Variants in CD200R1 observed in about 807,000 individuals in gnomAD.
CD200R1 encodes CD200 receptor 1, also known as cell surface glycoprotein CD200 receptor 1.
Under a neutral mutation model 38.1 loss-of-function variants are expected in CD200R1, and 30 were observed. The ratio of observed to expected loss-of-function variants is 0.79; its 90% CI spans 0.59 to 1.07. CD200R1 has a LOEUF of 1.07. CD200R1 is among the 50% of genes least tolerant of loss of function. CD200R1 has a pLI of 0.00. For missense variants in CD200R1, 372 were observed against 415.4 expected (o/e 0.90, Z 0.91); for synonymous variants, 128 against 152.1 (o/e 0.84, Z 1.16).
In CD200R1 at chr3:112,929,316, A is replaced by G; in HGVS notation, c.394T>C (p.Ser132Pro). 1 of 1,614,092 alleles carries G rather than the reference A, an allele frequency of 6.2e-7. No homozygotes were observed. Among genetic ancestry groups the G allele is most frequent in the Non-Finnish European group, 8.5e-7 (1 of 1,179,978 alleles). The change falls in exon 4 of 8, where the codon TCC becomes CCC. Residue 132 changes from serine to proline, a missense_variant. Coordinates refer to ENST00000308611, the MANE Select transcript of CD200R1 (RefSeq NM_138806.4). ...NCTDERITWV[S>P]RPDQNSDLQI... ...AGGTCCGAATTCTGATCAGGTCTGGAGACCCAGGTTATTCTCTCATCAGTA... is the reference window on the plus strand; with the variant it reads ...AGGTCCGAATTCTGATCAGGTCTGGGGACCCAGGTTATTCTCTCATCAGTA...
intron 1 of CD200R1, among the ~76,000 whole-genome samples, chr3:112,950,179 G>A (rs1170697679): frequency 6.6e-6 from 1 of 152,150 alleles, no homozygotes; most frequent in Non-Finnish European, 1.5e-5. Context: ...ATGTCTGTAT[G>A]TTGGTATTGT....
chr3:112,946,627 A>G (rs919967502), intron 2 of CD200R1, among the ~76,000 whole-genome samples: 2 of 152,194 alleles, frequency 1.3e-5, no homozygotes, highest in Non-Finnish European at 2.9e-5. Flanking sequence ...TAAAACAACA[A>G]TGAGAACCAC....
intron 1 of CD200R1, among the ~76,000 whole-genome samples, chr3:112,965,170 A>T (rs2107344199): frequency 6.6e-6 from 1 of 152,354 alleles, no homozygotes; most frequent in South Asian, 2.1e-4. Flanking sequence ...AGGAAGAATC[A>T]AGATTAAATC....
chr3:112,927,897 GA>G (rs905502890), intron 5 of CD200R1, among the ~76,000 whole-genome samples: 46 of 152,156 alleles, frequency 3.0e-4, no homozygotes, highest in African/African-American at 1.0e-3. Context: ...GAAGTCCAAG[GA>G]AAAAAAGTCA....
chr3:112,933,530 A>AT (rs1269001650), intron 2 of CD200R1, among the ~76,000 whole-genome samples: 1 of 152,202 alleles, frequency 6.6e-6, no homozygotes, highest in Non-Finnish European at 1.5e-5. Context: ...AGAGGCGACA[A>AT]TTGCACCAGA....
intron 5 of CD200R1, 94 bp downstream of exon 5, chr3:112,928,722 T>C (rs1940337468): frequency 2.1e-6 from 2 of 953,874 alleles, no homozygotes; most frequent in Non-Finnish European, 3.1e-6. Context: ...GGGGAGAGCA[T>C]CCTCGAACAA....
chr3:112,939,430 T>C (rs1377403181), intron 2 of CD200R1, among the ~76,000 whole-genome samples: 1 of 151,932 alleles, frequency 6.6e-6, no homozygotes, highest in Non-Finnish European at 1.5e-5. Context: ...TTCAATAAAG[T>C]TGCAGCATAC....
chr3:112,950,053 C>T (rs1425102790), intron 1 of CD200R1, among the ~76,000 whole-genome samples: 2 of 152,130 alleles, frequency 1.3e-5, no homozygotes, highest in Non-Finnish European at 2.9e-5. Context: ...TCACATCAGT[C>T]ATGGTAAGAG....
chr3:112,933,466 A>G (rs139031900), intron 2 of CD200R1, among the ~76,000 whole-genome samples: 326 of 152,318 alleles, frequency 2.1e-3, no homozygotes, highest in Non-Finnish European at 3.9e-3. Context: ...CATCACTAGA[A>G]TGGATTACAT....
intron 1 of CD200R1, among the ~76,000 whole-genome samples, chr3:112,957,941 T>C (rs1941138428): frequency 6.6e-6 from 1 of 152,136 alleles, no homozygotes; most frequent in Non-Finnish European, 1.5e-5. Flanking sequence ...AGTGAGATAA[T>C]GATTACACAC....
chr3:112,963,269 C>A (rs1933068094), intron 1 of CD200R1, among the ~76,000 whole-genome samples: 1 of 152,106 alleles, frequency 6.6e-6, no homozygotes, highest in Non-Finnish European at 1.5e-5. Context: ...TGAAAAGATA[C>A]CCAAAAATGT....
Position 112,929,327 on chromosome 3 carries a change from A to T in CD200R1, c.383T>A (p.Ile128Lys), listed in dbSNP as rs188572017. The change falls in exon 4 of 8, where the codon ATA becomes AAA. Residue 128 changes from isoleucine to lysine, a missense_variant. Transcript: ENST00000308611. ...CTGATCAGGTCTGGAGACCCAGGTTATTCTCTCATCAGTACAGTTGGTTTC... is the reference window on the plus strand; with the variant it reads ...CTGATCAGGTCTGGAGACCCAGGTTTTTCTCTCATCAGTACAGTTGGTTTC... ...TKETNCTDERITWVSRPDQNS... is the reference protein window; with the variant it reads ...TKETNCTDERKTWVSRPDQNS... The T allele has an allele frequency of 9.2e-5, 149 of 1,614,080 alleles. No homozygotes were observed. The East Asian group carries it at 3.2e-3, about 34-fold the overall frequency.
intron 1 of CD200R1, among the ~76,000 whole-genome samples, chr3:112,959,728 A>T (rs761308287): frequency 4.6e-5 from 7 of 152,104 alleles, no homozygotes; most frequent in Non-Finnish European, 7.4e-5. Context: ...AACTTCAATA[A>T]GTCTCAAAGT....
At chr3:112,929,649 T>A in intron 3 of CD200R1, 142 bp from the exon 4 acceptor site, 1 of 751,504 alleles carries the variant, frequency 1.3e-6, no homozygotes. Flanking sequence ...CATAAAAAAT[T>A]AAAATTCTCA....
At chr3:112,940,794 C>A (rs114526139) in intron 2 of CD200R1, among the ~76,000 whole-genome samples, 3,253 of 151,710 alleles carry the variant, frequency 0.021, 40 homozygotes, top group South Asian at 0.047. Context: ...CAATCTTGCT[C>A]GTAAACATTT....
At chr3:112,960,271 C>A (rs1198715147) in intron 1 of CD200R1, among the ~76,000 whole-genome samples, 2 of 151,980 alleles carry the variant, frequency 1.3e-5, no homozygotes, top group Non-Finnish European at 2.9e-5. Flanking sequence ...GCCATTGTAA[C>A]AATATGAAAT....
intron 2 of CD200R1, among the ~76,000 whole-genome samples, chr3:112,942,101 A>G (rs538544005): frequency 1.3e-5 from 2 of 151,838 alleles, no homozygotes; most frequent in Admixed American, 1.3e-4. Context: ...ATTTTTTTAG[A>G]GAGAAGTAAA....
intron 1 of CD200R1, among the ~76,000 whole-genome samples, chr3:112,959,232 T>C (rs1041053034): frequency 2.0e-5 from 3 of 152,028 alleles, no homozygotes; most frequent in African/African-American, 7.3e-5. Flanking sequence ...CATGTATTAT[T>C]TCTAATGATG....
Position 112,945,926 on chromosome 3 carries a change from CGG to C in CD200R1, c.136+1928_136+1929del, listed in dbSNP as rs1286781666. Among the ~76,000 whole-genome samples, 572 of 149,572 alleles carry C rather than the reference CGG, an allele frequency of 3.8e-3. 3 individuals carry two copies. The highest frequency in any genetic ancestry group is 0.01 in the Middle Eastern group (3 of 286). ...GCCTGTAGTCCCAGCTACTCTACTC[CGG>C]AGGCTGAGGCAGAAGAATGGCGTGA... On this transcript the variant is annotated intron_variant, in intron 2 of 7. Transcript: ENST00000308611.
Sources: allele counts gnomAD v4.1 joint callset (sites outside exome capture counted in the v4.1 genomes callset), GRCh38; gene constraint gnomAD v4.1.1; transcripts MANE v1.5; gene names NCBI Gene and HGNC (gene_info 2026-07-23, HGNC 2026-07-21).